Variants in HSD17B11 observed in about 807,000 individuals in gnomAD.
HSD17B11 encodes hydroxysteroid 17-beta dehydrogenase 11, also known as estradiol 17-beta-dehydrogenase 11.
In HSD17B11, 22 loss-of-function variants were observed where a neutral mutation model predicts 27.8. The observed-to-expected ratio is 0.79, with a 90% CI of 0.56 to 1.13. The LOEUF (loss-of-function observed/expected upper bound fraction) is 1.13. HSD17B11 is among the 50% of genes most tolerant of loss of function. The pLI, the probability that HSD17B11 is intolerant of heterozygous loss-of-function variation, is 0.00. For synonymous variants in HSD17B11, 117 were observed against 132.8 expected (o/e 0.88, Z 0.82); for missense variants, 314 against 351.1 (o/e 0.89, Z 0.84).
intron 2 of HSD17B11, among the ~76,000 whole-genome samples, chr4:87,378,881 A>AAT (rs56858153): frequency 2.0e-4 from 3 of 15,302 alleles, no homozygotes; most frequent in Non-Finnish European, 3.2e-4. Context: ...TATATATATA[A>AAT]ATATATATAT....
At chr4:87,385,998 A>G (rs1398705856) in intron 1 of HSD17B11, 1 of 151,866 alleles carries the variant, frequency 6.6e-6, no homozygotes, top group Non-Finnish European at 1.5e-5. Flanking sequence ...CAAATTTTAC[A>G]ATAAAAATTT....
Position 87,340,000 on chromosome 4 carries a change from G to A in HSD17B11, c.812+490C>T, listed in dbSNP as rs547936851. On this transcript the variant is annotated intron_variant, in intron 6 of 6. Coordinates refer to ENST00000358290, the MANE Select transcript of HSD17B11 (RefSeq NM_016245.5). ...TATTTCTAACAAACTCCCAGGTAATGTGTGTAGTCCAAGAACCACATTGGA... is the reference window on the plus strand; with the variant it reads ...TATTTCTAACAAACTCCCAGGTAATATGTGTAGTCCAAGAACCACATTGGA... 3.9e-5 allele frequency among the ~76,000 whole-genome samples: 6 copies of A among 152,312 alleles called. No homozygotes were observed. In the South Asian group the frequency reaches 1.2e-3, roughly 32 times the overall value.
intron 5 of HSD17B11, 135 bp downstream of exon 5, chr4:87,357,144 G>A (rs1374077865): frequency 1.1e-5 from 11 of 970,010 alleles, no homozygotes; most frequent in Admixed American, 3.6e-5. Context: ...CCCACAATCT[G>A]CAGAAACTGA....
chr4:87,378,877 T>TTA lies in HSD17B11; in HGVS notation c.318+3377_318+3378insTA, dbSNP rs57490661. Among the ~76,000 whole-genome samples the TTA allele has an allele frequency of 9.0e-4, 15 of 16,614 alleles. 2 individuals are homozygous for TTA. Among genetic ancestry groups the TTA allele is most frequent in the African/African-American group, 6.3e-3 (15 of 2,366 alleles). The allele number at this position is 16,614 out of a possible 152,430, so 10.9% of individuals were successfully genotyped here. ...ATATAAATATATATAAATATATATA[T>TTA]ATAAATATATATATATAAATATATA... On this transcript the variant is annotated intron_variant, in intron 2 of 6. Transcript: ENST00000358290.
At chr4:87,356,441 ATGTC>A (rs1301281687) in intron 5 of HSD17B11, among the ~76,000 whole-genome samples, 1 of 152,174 alleles carries the variant, frequency 6.6e-6, no homozygotes, top group African/African-American at 2.4e-5. Context: ...ACTTTATTAG[ATGTC>A]TGTAACATAA....
intron 4 of HSD17B11, among the ~76,000 whole-genome samples, chr4:87,370,555 A>G (rs2110123854): frequency 6.6e-6 from 1 of 151,480 alleles, no homozygotes; most frequent in Admixed American, 6.6e-5. Context: ...AGCTGGGACT[A>G]CAGGCACGTA....
intron 5 of HSD17B11, among the ~76,000 whole-genome samples, chr4:87,345,446 G>GA (rs1204052115): frequency 1.3e-5 from 2 of 151,208 alleles, no homozygotes; most frequent in Non-Finnish European, 2.9e-5. Flanking sequence ...AAAGCAAGCA[G>GA]AAAAAAAAGA....
At chr4:87,377,849 T>C (rs1183861581) in intron 2 of HSD17B11, among the ~76,000 whole-genome samples, 1 of 152,242 alleles carries the variant, frequency 6.6e-6, no homozygotes, top group African/African-American at 2.4e-5. Context: ...GAGGGGCTTT[T>C]ACTTTGTTAT....
At chr4:87,382,909 T>A (rs1039521003) in intron 1 of HSD17B11, among the ~76,000 whole-genome samples, 50 of 152,208 alleles carry the variant, frequency 3.3e-4, no homozygotes, top group African/African-American at 1.1e-3. Context: ...GAAAGAAACA[T>A]AAGTATCATA....
At chr4:87,347,103 A>ATTTTTTTTTTT (rs763068482) in intron 5 of HSD17B11, among the ~76,000 whole-genome samples, 9 of 62,590 alleles carry the variant, frequency 1.4e-4, no homozygotes, top group East Asian at 6.2e-4. Flanking sequence ...AGTATTCTGG[A>ATTTTTTTTTTT]TTTTTTTTTT....
rs1735437529 is a variant in HSD17B11, at chr4:87,358,604, A to G, written c.558-1188T>C. On this transcript the variant is annotated intron_variant, in intron 4 of 6. Transcript: ENST00000358290. The stretch of plus-strand genomic sequence containing the variant: ...ATATAATTAACTTAAAAGTTGTGGT[A>G]TAATATATATCATGTAAAACATGTC... 5.9e-5 allele frequency among the ~76,000 whole-genome samples: 9 copies of G among 152,196 alleles called. 1 individual carries two copies. In the South Asian group the frequency reaches 1.9e-3, roughly 31 times the overall value.
chr4:87,358,291 CA>C (rs1245244603), intron 4 of HSD17B11, among the ~76,000 whole-genome samples: 3 of 151,992 alleles, frequency 2.0e-5, no homozygotes, highest in Non-Finnish European at 4.4e-5. Flanking sequence ...ATCTGTTTCC[CA>C]CACCTTTCCT....
chr4:87,341,163 TG>T (rs1180783101), intron 5 of HSD17B11, among the ~76,000 whole-genome samples: 1 of 152,004 alleles, frequency 6.6e-6, no homozygotes, highest in Non-Finnish European at 1.5e-5. Flanking sequence ...TGGTTGTTGT[TG>T]TTTTTTTTGG....
chr4:87,358,953 G>C (rs1041102110), intron 4 of HSD17B11, among the ~76,000 whole-genome samples: 1 of 152,092 alleles, frequency 6.6e-6, no homozygotes, highest in African/African-American at 2.4e-5. Flanking sequence ...TGGATCGTGG[G>C]GGCAGTTTTC....
intron 1 of HSD17B11, among the ~76,000 whole-genome samples, chr4:87,383,503 A>G (rs1720225720): frequency 6.6e-6 from 1 of 152,068 alleles, no homozygotes; most frequent in Non-Finnish European, 1.5e-5. Context: ...AATCAGTAAG[A>G]CTTGGTGAGT....
At chr4:87,369,496 A>C in intron 4 of HSD17B11, among the ~76,000 whole-genome samples, 1 of 150,808 alleles carries the variant, frequency 6.6e-6, no homozygotes, top group Non-Finnish European at 1.5e-5. Context: ...TGCAGTGGTG[A>C]AATCATGGCT....
At chr4:87,374,513 T>A (rs1735781290) in intron 3 of HSD17B11, 186 bp downstream of exon 3, 10 of 455,202 alleles carry the variant, frequency 2.2e-5, no homozygotes, top group Non-Finnish European at 3.1e-5. Context: ...ATTATTAATG[T>A]TGTCAGTGAG....
rs1054182071 is a variant in HSD17B11 at position 87,382,291 on chromosome 4, G to A, written c.282C>T (p.Cys94=). The A allele has an allele frequency of 1.2e-5, 20 of 1,613,520 alleles. No homozygotes were observed. Among genetic ancestry groups the A allele is most frequent in the Non-Finnish European group, 1.7e-5 (20 of 1,179,610 alleles). ...AGCTGTAAATATCTTCTCGGTTGCT[G>A]CAGTCTACCACAAAGGTATGAACCT... The part of the protein sequence containing the change: ...GAKVHTFVVD[C]SNREDIYSSA... Residue 94 remains cysteine, a synonymous_variant, in exon 2 of 7, where the codon TGC becomes TGT. Coordinates refer to ENST00000358290, the MANE Select transcript of HSD17B11 (RefSeq NM_016245.5).
intron 4 of HSD17B11, among the ~76,000 whole-genome samples, chr4:87,371,295 C>G (rs1319024599): frequency 1.3e-5 from 2 of 152,196 alleles, no homozygotes; most frequent in Non-Finnish European, 2.9e-5. Context: ...AATGATCACA[C>G]TATAGCTACT....
Sources: gnomAD v4.1 joint callset for allele counts (sites outside exome capture counted in the v4.1 genomes callset) on GRCh38, gnomAD v4.1.1 for gene constraint, MANE v1.5 for transcripts, NCBI Gene and HGNC (gene_info 2026-07-23, HGNC 2026-07-21) for gene names.